JAG2: variants seen among roughly 807,000 people sequenced by gnomAD.
The protein encoded by JAG2 is protein jagged-2.
A neutral mutation model predicts 141.7 loss-of-function variants in JAG2; 46 were observed. That is an observed-to-expected ratio of 0.32 (90% CI 0.26 to 0.42). The LOEUF is 0.42. Ranked by LOEUF, JAG2 falls within the 10% of genes least tolerant of loss-of-function variation. The probability of loss-of-function intolerance (pLI) is 1.00; values close to 1 mark genes in which losing one functional copy is unlikely to be tolerated. For missense variants in JAG2, 1,500 were observed against 1,817.5 expected (o/e 0.83, Z 3.18); for synonymous variants, 862 against 763.5 (o/e 1.13, Z -2.13).
At position 105,167,711 on chromosome 14, in the gene JAG2, GGAGA is replaced by G; in HGVS notation, c.417+42_417+45del. ...CGCGAAGCGCGCGGGGCCGGGGCGC[GGAGA>G]GAGAGGGAAGGGCTGGAGCACGAGG... On this transcript the variant is annotated intron_variant, in intron 2 of 25. Coordinates refer to ENST00000331782, the MANE Select transcript of JAG2 (RefSeq NM_002226.5). This position sits in a 1 kb window ranked among gnomAD's most constrained non-coding sequence, Gnocchi z 4.8. 7.2e-7 allele frequency: 1 copy of G among 1,387,558 alleles called. No homozygotes were observed. Among genetic ancestry groups the G allele is most frequent in the Non-Finnish European group, 9.3e-7 (1 of 1,069,584 alleles). The allele number at this position is 1,387,558 out of a possible 1,614,324, so 86.0% of individuals were successfully genotyped here.
At chr14:105,155,263 G>A (rs1039636168) in intron 5 of JAG2, among the ~76,000 whole-genome samples, 18 of 151,832 alleles carry the variant, frequency 1.2e-4, no homozygotes, top group Non-Finnish European at 2.2e-4. Flanking sequence ...CTCTGCCCAT[G>A]CCCCATCTCT....
chr14:105,142,882 TCCTC>T lies in JAG2; in HGVS notation c.3526_3529del (p.Glu1176MetfsTer193). ...GCGGCCCAGATCCTCGTCCTCCTCATCCTCCCTGACGGCCGCGTGGCCGGCCGGC... is the reference window on the plus strand; with the variant it reads ...GCGGCCCAGATCCTCGTCCTCCTCATCCTGACGGCCGCGTGGCCGGCCGGC... On this transcript the variant is annotated frameshift_variant, in exon 26 of 26. Coordinates refer to ENST00000331782, the MANE Select transcript of JAG2 (RefSeq NM_002226.5). LOFTEE classifies it high-confidence loss of function. 1 of 1,604,888 alleles carries T rather than the reference TCCTC, an allele frequency of 6.2e-7. No homozygotes were observed. The highest frequency in any genetic ancestry group is 1.1e-5 in the South Asian group (1 of 89,994).
chr14:105,157,605 G>A (rs1888618588), intron 3 of JAG2, 101 bp downstream of exon 3: 1 of 1,142,750 alleles, frequency 8.8e-7, no homozygotes, highest in Non-Finnish European at 1.3e-6. Flanking sequence ...ATGATCCTCA[G>A]GGTAAAGCAA....
At position 105,156,408 on chromosome 14, in the gene JAG2, A is replaced by C. The variant is rs189463946; in HGVS notation, c.476-419T>G. On this transcript the variant is annotated intron_variant, in intron 3 of 25. Coordinates refer to ENST00000331782, the MANE Select transcript of JAG2 (RefSeq NM_002226.5). The stretch of plus-strand genomic sequence containing the variant: ...CCGTGTCCAGCCCTCGACAGCACGG[A>C]CATGGTGCTCAGTTGCCCTCCCCTC... Among the ~76,000 whole-genome samples the C allele has an allele frequency of 1.4e-3, 206 of 152,256 alleles. 1 individual carries two copies. Among genetic ancestry groups the C allele is most frequent in the African/African-American group, 4.9e-3 (203 of 41,542 alleles).
intron 24 of JAG2, 115 bp downstream of exon 24, chr14:105,144,815 C>T (rs1166737892): frequency 6.7e-6 from 9 of 1,345,004 alleles, no homozygotes; most frequent in African/African-American, 1.4e-5. Context: ...CAGGCCTGCC[C>T]GCAGTCCTTC....
At chr14:105,151,227 C>CCCCAGCAG in intron 9 of JAG2, 56 bp downstream of exon 9, 1 of 1,535,592 alleles carries the variant, frequency 6.5e-7, no homozygotes, top group Non-Finnish European at 8.8e-7. Context: ...GCCCCAGCAG[C>CCCCAGCAG]CCCCGCAGCC....
In JAG2 at chr14:105,168,412, C is replaced by T; in HGVS notation, c.9G>A (p.Ala3=). The T allele has an allele frequency of 9.4e-6, 9 of 960,770 alleles. No homozygotes were observed. Among genetic ancestry groups the T allele is most frequent in the South Asian group, 3.6e-5 (1 of 28,086 alleles). 59.5% of individuals were successfully genotyped at this position (960,770 alleles called of 1,614,324 possible). A position where few individuals can be genotyped will look rare whatever the true frequency, so the allele number is the denominator to read the frequency against. MR[A]QGRGRLPRRL... Reference sequence around the variant, plus strand: ...GCCGGGGAAGGCGCCCCCGGCCCTGCGCCCGCATTGCCCCCGCGACCCGCC... The same window carrying T: ...GCCGGGGAAGGCGCCCCCGGCCCTGTGCCCGCATTGCCCCCGCGACCCGCC... The change falls in exon 1 of 26, where the codon GCG becomes GCA. Residue 3 remains alanine (A), a synonymous_variant. Transcript: ENST00000331782.
chr14:105,148,868 C>A lies in JAG2; in HGVS notation c.1907-10G>T, dbSNP rs201209535. On this transcript the variant is annotated splice_polypyrimidine_tract_variant and intron_variant, in intron 14 of 25. Transcript: ENST00000331782. ...AGGCAGTCGTCAATGTCTGCAGAGG[C>A]GAGCGGGGTGAGCCAGGGCCTCAGG... is the stretch of plus-strand genomic sequence containing the variant. 1.3e-6 allele frequency: 2 copies of A among 1,586,882 alleles called. No individual in the cohort carries two copies. The highest frequency in any genetic ancestry group is 2.3e-5 in the East Asian group (1 of 43,434).
chr14:105,166,634 C>A (rs2140998297), intron 2 of JAG2, among the ~76,000 whole-genome samples: 1 of 152,298 alleles, frequency 6.6e-6, no homozygotes, highest in Middle Eastern at 3.4e-3. Flanking sequence ...GGCAAGGCTG[C>A]CAGCCAGGGC....
intron 13 of JAG2, 34 bp downstream of exon 13, chr14:105,149,136 C>T (rs930469746): frequency 2.9e-5 from 44 of 1,533,886 alleles, no homozygotes; most frequent in Non-Finnish European, 3.8e-5. Context: ...CCTGCCCCAC[C>T]ACCTCCCCCA....
intron 8 of JAG2, 104 bp downstream of exon 8, chr14:105,151,522 C>T: frequency 7.5e-7 from 1 of 1,329,446 alleles, no homozygotes; most frequent in South Asian, 1.2e-5. Context: ...GCCGCAGCCA[C>T]ACGTGTGGAC....
rs780584707 is a variant in JAG2 at position 105,142,689 on chromosome 14, C to G, written c.*6G>C. On this transcript the variant is annotated 3_prime_UTR_variant, in exon 26 of 26. Transcript: ENST00000331782. Reference sequence around the variant, plus strand: ...CCCTGGGTCCCGGCCCAGCTGGCAGCCGCCCCTACTCCTTGCCGGCGTAGC... The same window carrying G: ...CCCTGGGTCCCGGCCCAGCTGGCAGGCGCCCCTACTCCTTGCCGGCGTAGC... 6.3e-7 allele frequency: 1 copy of G among 1,589,324 alleles called. No homozygotes were observed. Among genetic ancestry groups the G allele is most frequent in the South Asian group, 1.1e-5 (1 of 87,586 alleles).
At position 105,151,960 on chromosome 14, in the gene JAG2, G is replaced by A. The variant is rs146825603; in HGVS notation, c.1017C>T (p.Tyr339=). The change falls in exon 7 of 26, where the codon TAC becomes TAT. Residue 339 remains tyrosine, a synonymous_variant. Transcript: ENST00000331782. ...TACCCTTCTCACAGTTCCTGCCCGA[G>A]TAGCCGTCAGGGCAGGTGCAGCGGT... ...DQYRCTCPDG[Y]SGRNCEKAEH... is the part of the protein sequence containing the mutation. 2.2e-5 allele frequency: 36 copies of A among 1,613,122 alleles called. No individual in the cohort carries two copies. The highest frequency in any genetic ancestry group is 2.9e-5 in the Non-Finnish European group (34 of 1,180,024).
At position 105,150,152 on chromosome 14, in the gene JAG2, T is replaced by C. The variant is rs587771495; in HGVS notation, c.1602+452A>G. On this transcript the variant is annotated intron_variant, in intron 12 of 25. Coordinates refer to ENST00000331782, the MANE Select transcript of JAG2 (RefSeq NM_002226.5). ...GGGGAGGTTGGGGGAGGGGGTCCAG[T>C]ACCAACAGATGGTCAGAGGGAGGCG... Among the ~76,000 whole-genome samples, 24 of 150,078 alleles carry C rather than the reference T, an allele frequency of 1.6e-4. No homozygotes were observed. The East Asian group carries it at 4.7e-3, about 30-fold the overall frequency.
At chr14:105,165,642 G>A (rs1014058261) in intron 2 of JAG2, among the ~76,000 whole-genome samples, 11 of 152,110 alleles carry the variant, frequency 7.2e-5, no homozygotes, top group Non-Finnish European at 1.3e-4. Context: ...CCAGGCCTGG[G>A]TCAACAGCAG....
chr14:105,156,505 C>T lies in JAG2; in HGVS notation c.476-516G>A, dbSNP rs587637301. Among the ~76,000 whole-genome samples, 3 of 152,010 alleles carry T rather than the reference C, an allele frequency of 2.0e-5. No individual in the cohort carries two copies. The East Asian group carries it at 5.8e-4, about 29-fold the overall frequency. ...CCCCACCTTAAGACAAGCCTCCCCT[C>T]AGGCCCCCAAGACAGGCATAGGTCC... is the stretch of plus-strand genomic sequence containing the variant. On this transcript the variant is annotated intron_variant, in intron 3 of 25. Coordinates refer to ENST00000331782, the MANE Select transcript of JAG2 (RefSeq NM_002226.5).
rs899477880 is a variant in JAG2, at chr14:105,151,744, A to G, written c.1040-5T>C. 1.2e-6 allele frequency: 2 copies of G among 1,607,666 alleles called. No homozygotes were observed. Among genetic ancestry groups the G allele is most frequent in the Admixed American group, 1.7e-5 (1 of 59,136 alleles). On this transcript the variant is annotated splice_region_variant and splice_polypyrimidine_tract_variant and intron_variant, in intron 7 of 25. Coordinates refer to ENST00000331782, the MANE Select transcript of JAG2 (RefSeq NM_002226.5). ...TGGAGGTGCAGGCGTGCTCAGCTGTAGAACCGCGGGGAGGGGGCAGAGCTG... is the reference window on the plus strand; with the variant it reads ...TGGAGGTGCAGGCGTGCTCAGCTGTGGAACCGCGGGGAGGGGGCAGAGCTG...
intron 2 of JAG2, among the ~76,000 whole-genome samples, chr14:105,164,894 G>A (rs1595191075): frequency 6.6e-6 from 1 of 152,282 alleles, no homozygotes; most frequent in Non-Finnish European, 1.5e-5. Flanking sequence ...CAGGACCTCA[G>A]GCCTCCTGAG....
In JAG2 at chr14:105,157,775, G is replaced by A; in HGVS notation, c.418-12C>T. On this transcript the variant is annotated splice_polypyrimidine_tract_variant and intron_variant, in intron 2 of 25. Coordinates refer to ENST00000331782, the MANE Select transcript of JAG2 (RefSeq NM_002226.5). ...AGGGTAAAGGAGCGCTGCAGACATG[G>A]GGAGGCGGGTCAGGTACCTGAGGCC... 1 of 1,568,604 alleles carries A rather than the reference G, an allele frequency of 6.4e-7. No individual in the cohort carries two copies. Among genetic ancestry groups the A allele is most frequent in the East Asian group, 2.4e-5 (1 of 42,074 alleles).
Sources: allele counts gnomAD v4.1 joint callset (sites outside exome capture counted in the v4.1 genomes callset), GRCh38; gene constraint gnomAD v4.1.1; non-coding constraint Gnocchi (gnomAD v3.1); transcripts MANE v1.5; gene names NCBI Gene and HGNC (gene_info 2026-07-23, HGNC 2026-07-21).